The following GRK2 variants were observed in gnomAD, a reference collection of about 807,000 sequenced individuals.
The protein encoded by GRK2 is G protein-coupled receptor kinase 2.
In GRK2, 23 loss-of-function variants were observed where a neutral mutation model predicts 97.8. The ratio of observed to expected loss-of-function variants is 0.24; its 90% confidence interval spans 0.17 to 0.33. GRK2 has a LOEUF of 0.33. GRK2 is among the 10% of genes least tolerant of loss of function. The pLI, the probability that GRK2 is intolerant of heterozygous loss-of-function variation, is 1.00. For missense variants in GRK2, 633 were observed against 956.9 expected (o/e 0.66, Z 4.47); for synonymous variants, 425 against 381.7 (o/e 1.11, Z -1.32).
chr11:67,276,217 A>G lies in GRK2; in HGVS notation c.114-1055A>G, dbSNP rs1050482900. Among the ~76,000 whole-genome samples the G allele has an allele frequency of 1.3e-5, 2 of 152,190 alleles. No individual in the cohort carries two copies. The highest frequency in any genetic ancestry group is 2.4e-5 in the African/African-American group (1 of 41,444). On this transcript the variant is annotated intron_variant, in intron 1 of 20. Coordinates refer to ENST00000308595, the MANE Select transcript of GRK2 (RefSeq NM_001619.5). This position sits in a 1 kb window ranked among gnomAD's most constrained non-coding sequence, Gnocchi z 4.2. ...GTCCCTTCAGGCCCCCAGCCTTGCAATGCCCTCAGCATGGCAGCTACACGT... is the reference window on the plus strand; with the variant it reads ...GTCCCTTCAGGCCCCCAGCCTTGCAGTGCCCTCAGCATGGCAGCTACACGT...
chr11:67,268,656 C>T (rs1238459709), intron 1 of GRK2, among the ~76,000 whole-genome samples: 4 of 152,192 alleles, frequency 2.6e-5, no homozygotes, highest in African/African-American at 7.2e-5. Context: ...GATGGGGCGC[C>T]GCCTTGGCTC....
intron 2 of GRK2, among the ~76,000 whole-genome samples, chr11:67,277,850 G>T (rs1225561620): frequency 2.8e-4 from 42 of 152,336 alleles, no homozygotes; most frequent in Non-Finnish European, 1.2e-4. Context: ...TGCGGACCTG[G>T]CCCGGAGGGC....
rs751998977 is a variant in GRK2 at position 67,277,258 on chromosome 11, C to T, written c.114-14C>T. ...TCTGGGGGCTTCTGCTTACTGCGCCCCCCTGACCCACAGCATCCGCAGTGT... is the reference window on the plus strand; with the variant it reads ...TCTGGGGGCTTCTGCTTACTGCGCCTCCCTGACCCACAGCATCCGCAGTGT... On this transcript the variant is annotated splice_polypyrimidine_tract_variant and intron_variant, in intron 1 of 20. Coordinates refer to ENST00000308595, the MANE Select transcript of GRK2 (RefSeq NM_001619.5). 9 of 1,613,234 alleles carry T rather than the reference C, an allele frequency of 5.6e-6. No individual in the cohort carries two copies. In the South Asian group the frequency reaches 9.9e-5, roughly 18 times the overall value.
chr11:67,270,673 A>G (rs1859887880), intron 1 of GRK2, among the ~76,000 whole-genome samples: 1 of 152,134 alleles, frequency 6.6e-6, no homozygotes, highest in South Asian at 2.1e-4. Flanking sequence ...TGCAAACAAG[A>G]TGATCTTTCC....
At chr11:67,274,526 T>TTTTTTTTTTTTTTTTTTTTTG (rs1859986036) in intron 1 of GRK2, among the ~76,000 whole-genome samples, 1 of 140,604 alleles carries the variant, frequency 7.1e-6, no homozygotes, top group Non-Finnish European at 1.5e-5. Context: ...TTTTTTTGCT[T>TTTTTTTTTTTTTTTTTTTTTG]TTTTTCATCC....
rs1055673088 is a variant in GRK2 at position 67,269,306 on chromosome 11, C to G, written c.113+2494C>G. Among the ~76,000 whole-genome samples the G allele has an allele frequency of 1.3e-5, 2 of 152,122 alleles. No homozygotes were observed. Among genetic ancestry groups the G allele is most frequent in the African/African-American group, 4.8e-5 (2 of 41,408 alleles). On this transcript the variant is annotated intron_variant, in intron 1 of 20. Coordinates refer to ENST00000308595, the MANE Select transcript of GRK2 (RefSeq NM_001619.5). This position sits in a 1 kb window ranked among gnomAD's most constrained non-coding sequence, Gnocchi z 4.1. ...TGACAACTGTGAGAGGCAGGCCCAGCAGTTAGGATTCTCCCCTTTAGCAGT... is the reference window on the plus strand; with the variant it reads ...TGACAACTGTGAGAGGCAGGCCCAGGAGTTAGGATTCTCCCCTTTAGCAGT...
Position 67,285,932 on chromosome 11 carries a change from G to T in GRK2, c.*482G>T, listed in dbSNP as rs932823463. The T allele has an allele frequency of 2.3e-5, 5 of 222,130 alleles. No homozygotes were observed. The highest frequency in any genetic ancestry group is 1.6e-3 in the Middle Eastern group (1 of 628). 13.8% of individuals were successfully genotyped at this position (222,130 alleles called of 1,614,324 possible). On this transcript the variant is annotated 3_prime_UTR_variant, in exon 21 of 21. Coordinates refer to ENST00000308595, the MANE Select transcript of GRK2 (RefSeq NM_001619.5). ...GTGTTGGCGAGAGGAGGGGCCCGTT[G>T]TCTCCCTGGCCCTCAAGGCCTCCCA...
Position 67,282,907 on chromosome 11 carries a change from C to A in GRK2, c.1227+89C>A. ...ATGACTCTTGCTTCCCACCAGCCAG[C>A]AGAGATCTGGGCCACTGACCCCTAC... On this transcript the variant is annotated intron_variant, in intron 14 of 20. Coordinates refer to ENST00000308595, the MANE Select transcript of GRK2 (RefSeq NM_001619.5). This position sits in a 1 kb window ranked among gnomAD's most constrained non-coding sequence, Gnocchi z 6.9. 2.1e-6 allele frequency: 3 copies of A among 1,427,484 alleles called. No homozygotes were observed. The highest frequency in any genetic ancestry group is 1.4e-5 in the African/African-American group (1 of 71,708). The allele number at this position is 1,427,484 out of a possible 1,614,324, so 88.4% of individuals were successfully genotyped here. A position where few individuals can be genotyped will look rare whatever the true frequency, so the allele number is the denominator to read the frequency against.
In GRK2 at chr11:67,276,372, G is replaced by A. The variant is rs377668610; in HGVS notation, c.114-900G>A. On this transcript the variant is annotated intron_variant, in intron 1 of 20. Coordinates refer to ENST00000308595, the MANE Select transcript of GRK2 (RefSeq NM_001619.5). The surrounding 1 kb of genome is among the most constrained non-coding windows in gnomAD (Gnocchi z 4.2). ...GGACAGTAAGGTGGTATTTGAGGCC[G>A]GGAGTGTAGCCTGGTGTGGCGCTCC... Among the ~76,000 whole-genome samples the A allele has an allele frequency of 1.2e-4, 19 of 152,174 alleles. No homozygotes were observed. Among genetic ancestry groups the A allele is most frequent in the South Asian group, 4.2e-4 (2 of 4,816 alleles).
Position 67,285,768 on chromosome 11 carries a change from C to T in GRK2, c.*318C>T, listed in dbSNP as rs926578581. 1.8e-5 allele frequency: 7 copies of T among 385,334 alleles called. No individual in the cohort carries two copies. The East Asian group carries it at 1.8e-4, about 10-fold the overall frequency. 23.9% of individuals were successfully genotyped at this position (385,334 alleles called of 1,614,324 possible). A position where few individuals can be genotyped will look rare whatever the true frequency, so the allele number is the denominator to read the frequency against. Reference sequence around the variant, plus strand: ...GTGCCACCCTGGGCTCTGTGGGCTGCACTCTGTGCCCATGGGCACTGCTGG... The same window carrying T: ...GTGCCACCCTGGGCTCTGTGGGCTGTACTCTGTGCCCATGGGCACTGCTGG... On this transcript the variant is annotated 3_prime_UTR_variant, in exon 21 of 21. Transcript: ENST00000308595.
At chr11:67,272,763 C>T (rs116595713) in intron 1 of GRK2, among the ~76,000 whole-genome samples, 129 of 152,370 alleles carry the variant, frequency 8.5e-4, no homozygotes, top group African/African-American at 2.8e-3. Context: ...GGGCAAGCCA[C>T]GGGCTCTACC....
rs2136504035 is a variant in GRK2, at chr11:67,282,950, ACCT to A, written c.1227+136_1227+138del. The A allele has an allele frequency of 1.7e-6, 2 of 1,187,672 alleles. No individual in the cohort carries two copies. Among genetic ancestry groups the A allele is most frequent in the Admixed American group, 2.0e-5 (1 of 50,804 alleles). The allele number at this position is 1,187,672 out of a possible 1,614,324, so 73.6% of individuals were successfully genotyped here. ...ACCCCTACTCTGGCCTCTGAGACAG[ACCT>A]CCTGCCCCATAGGCTCTCGCCCTCC... On this transcript the variant is annotated intron_variant, in intron 14 of 20. Coordinates refer to ENST00000308595, the MANE Select transcript of GRK2 (RefSeq NM_001619.5). The surrounding 1 kb of genome is among the most constrained non-coding windows in gnomAD (Gnocchi z 6.9).
At chr11:67,280,698 G>C in intron 6 of GRK2, 34 bp from the exon 7 acceptor site, 1 of 1,613,590 alleles carries the variant, frequency 6.2e-7, no homozygotes, top group Non-Finnish European at 8.5e-7. Context: ...CCCACATTCT[G>C]AGTGGCCCCT....
At position 67,282,216 on chromosome 11, in the gene GRK2, C is replaced by T. The variant is rs915865006; in HGVS notation, c.958-55C>T. 1 of 1,550,238 alleles carries T rather than the reference C, an allele frequency of 6.5e-7. No individual in the cohort carries two copies. Among genetic ancestry groups the T allele is most frequent in the African/African-American group, 1.4e-5 (1 of 73,180 alleles). ...AGCAGTGACCCAGCTGGCATCTTGC[C>T]TGGCTGGGCCCCATCCTGAGCTGCC... On this transcript the variant is annotated intron_variant, in intron 11 of 20. Coordinates refer to ENST00000308595, the MANE Select transcript of GRK2 (RefSeq NM_001619.5). The surrounding 1 kb of genome is among the most constrained non-coding windows in gnomAD (Gnocchi z 6.9).
In GRK2 at chr11:67,279,406, C is replaced by G. The variant is rs375168837; in HGVS notation, c.265-12C>G. On this transcript the variant is annotated splice_polypyrimidine_tract_variant and intron_variant, in intron 3 of 20. Coordinates refer to ENST00000308595, the MANE Select transcript of GRK2 (RefSeq NM_001619.5). Reference sequence around the variant, plus strand: ...TGGGCTCTAGATGACCTGCAGGAATCCTGTCCTCCAGATCAAGAAGTACGA... The same window carrying G: ...TGGGCTCTAGATGACCTGCAGGAATGCTGTCCTCCAGATCAAGAAGTACGA... 3 of 1,612,576 alleles carry G rather than the reference C, an allele frequency of 1.9e-6. No homozygotes were observed. Among genetic ancestry groups the G allele is most frequent in the Non-Finnish European group, 2.5e-6 (3 of 1,179,582 alleles).
intron 1 of GRK2, among the ~76,000 whole-genome samples, chr11:67,272,337 G>A (rs1590846586): frequency 6.6e-6 from 1 of 152,144 alleles, no homozygotes; most frequent in South Asian, 2.1e-4. Flanking sequence ...TCTTTGCCAC[G>A]AACTCATTGT....
chr11:67,268,446 G>C (rs1262912471), intron 1 of GRK2, among the ~76,000 whole-genome samples: 1 of 152,190 alleles, frequency 6.6e-6, no homozygotes, highest in African/African-American at 2.4e-5. Context: ...AGCAGTGACG[G>C]TTAGTACAGA....
At chr11:67,279,083 C>G in intron 2 of GRK2, 117 bp from the exon 3 acceptor site, 1 of 836,604 alleles carries the variant, frequency 1.2e-6, no homozygotes, top group South Asian at 1.4e-5. Context: ...GGGGCCGAGA[C>G]CACCTTTGCC....
intron 1 of GRK2, among the ~76,000 whole-genome samples, chr11:67,274,639 C>T (rs563879298): frequency 2.0e-5 from 3 of 151,634 alleles, no homozygotes; most frequent in South Asian, 4.2e-4. Flanking sequence ...ACAGCCTGTG[C>T]CCTGAGGGTC....
Sources: allele counts gnomAD v4.1 joint callset (sites outside exome capture counted in the v4.1 genomes callset), GRCh38; gene constraint gnomAD v4.1.1; non-coding constraint Gnocchi (gnomAD v3.1); transcripts MANE v1.5; gene names NCBI Gene and HGNC (gene_info 2026-07-23, HGNC 2026-07-21).